MGAT4C: variants seen among roughly 807,000 people sequenced by gnomAD.
MGAT4C encodes the protein MGAT4 family member C.
MGAT4C carries 19 observed loss-of-function variants against 40.1 expected under a neutral mutation model. The ratio of observed to expected loss-of-function variants is 0.47; its 90% CI spans 0.33 to 0.70. The LOEUF (loss-of-function observed/expected upper bound fraction) is 0.70, where lower values mean the gene tolerates loss of function less well. Ranked by LOEUF, MGAT4C falls within the 30% of genes least tolerant of loss-of-function variation. The probability of loss-of-function intolerance (pLI) is 0.02; values close to 1 mark genes in which losing one functional copy is unlikely to be tolerated. For synonymous variants in MGAT4C, 181 were observed against 187.1 expected (o/e 0.97, Z 0.27); for missense variants, 491 against 563.2 (o/e 0.87, Z 1.30).
Position 86,355,093 on chromosome 12 carries a change from G to A in MGAT4C, c.-119-20966C>T, listed in dbSNP as rs528796928. On this transcript the variant is annotated intron_variant, in intron 3 of 7. Transcript: ENST00000548651. The stretch of plus-strand genomic sequence containing the variant: ...CTAGCTACAGAGTGCTGATTGGTGC[G>A]TTTTTACAGAGCACTGATTGGTGCA... Among the ~76,000 whole-genome samples, 10 of 152,174 alleles carry A rather than the reference G, an allele frequency of 6.6e-5. No individual in the cohort carries two copies. The South Asian group carries it at 8.3e-4, about 13-fold the overall frequency.
intron 2 of MGAT4C, among the ~76,000 whole-genome samples, chr12:86,528,764 G>T (rs994321729): frequency 3.3e-5 from 5 of 151,772 alleles, no homozygotes; most frequent in Admixed American, 6.6e-5. Context: ...CAGCCCTTTT[G>T]TTCATATATT....
At chr12:86,633,092 A>T (rs1963113543) in intron 2 of MGAT4C, among the ~76,000 whole-genome samples, 1 of 150,648 alleles carries the variant, frequency 6.6e-6, no homozygotes, top group African/African-American at 2.5e-5. Flanking sequence ...ATTATAGATC[A>T]CATTTTATAT....
At chr12:86,702,077 C>T (rs1208234997) in intron 2 of MGAT4C, among the ~76,000 whole-genome samples, 4 of 152,106 alleles carry the variant, frequency 2.6e-5, no homozygotes, top group Admixed American at 2.0e-4. Context: ...GGGAAGAGTA[C>T]AGTGGCATGA....
At chr12:86,702,329 A>G (rs1281336839) in intron 2 of MGAT4C, among the ~76,000 whole-genome samples, 1 of 151,858 alleles carries the variant, frequency 6.6e-6, no homozygotes, top group Non-Finnish European at 1.5e-5. Context: ...ATGGGTGTGC[A>G]CCATCAGGCC....
At chr12:86,510,784 G>A (rs1453680408) in intron 2 of MGAT4C, among the ~76,000 whole-genome samples, 10 of 152,278 alleles carry the variant, frequency 6.6e-5, no homozygotes, top group Middle Eastern at 3.4e-3. Flanking sequence ...TCAACAAGAA[G>A]AGCTAACTAG....
chr12:86,424,249 G>T (rs1956882503), intron 3 of MGAT4C, among the ~76,000 whole-genome samples: 1 of 152,174 alleles, frequency 6.6e-6, no homozygotes, highest in African/African-American at 2.4e-5. Flanking sequence ...TGTAAAAGAA[G>T]AATCTTAATA....
At chr12:86,454,964 A>C (rs751748634) in intron 2 of MGAT4C, among the ~76,000 whole-genome samples, 1 of 152,128 alleles carries the variant, frequency 6.6e-6, no homozygotes, top group Non-Finnish European at 1.5e-5. Flanking sequence ...TAGATGAATT[A>C]ATAATGCAAA....
intron 2 of MGAT4C, among the ~76,000 whole-genome samples, chr12:86,572,275 T>C (rs902891739): frequency 4.6e-5 from 7 of 152,140 alleles, no homozygotes; most frequent in Admixed American, 2.0e-4. Context: ...AACCAGGCAG[T>C]GTCTGCTCAG....
rs1882897243 is a variant in MGAT4C at position 85,957,946 on chromosome 12, TGA to T, written c.*21341_*21342del. On this transcript the variant is annotated 3_prime_UTR_variant, in exon 5 of 5. Transcript: ENST00000611864. ...TTTACTTAGGTTATCTTTATTTGAG[TGA>T]GAGACTTGTCATTAATGTACAGCAA... The T allele has an allele frequency of 6.6e-6, 1 of 152,132 alleles. No homozygotes were observed. The highest frequency in any genetic ancestry group is 2.4e-5 in the African/African-American group (1 of 41,420). The allele number at this position is 152,132 out of a possible 1,614,324, so 9.4% of individuals were successfully genotyped here.
At chr12:86,573,636 T>A (rs529917834) in intron 2 of MGAT4C, among the ~76,000 whole-genome samples, 13 of 152,160 alleles carry the variant, frequency 8.5e-5, no homozygotes, top group South Asian at 2.1e-4. Context: ...TGAACTTTCT[T>A]TACTATTCTG....
intron 2 of MGAT4C, among the ~76,000 whole-genome samples, chr12:86,665,551 G>A (rs1001294127): frequency 6.6e-6 from 1 of 151,714 alleles, no homozygotes; most frequent in African/African-American, 2.4e-5. Context: ...TAATTTTTTT[G>A]TATTTTTAGT....
intron 2 of MGAT4C, among the ~76,000 whole-genome samples, chr12:86,459,913 CTT>C (rs1285949690): frequency 2.6e-5 from 4 of 151,860 alleles, no homozygotes; most frequent in African/African-American, 9.7e-5. Flanking sequence ...GACACTAACT[CTT>C]AATTTGAATA....
In MGAT4C at chr12:86,587,201, A is replaced by T. The variant is rs1199441038; in HGVS notation, c.-229+140008T>A. Among the ~76,000 whole-genome samples the T allele has an allele frequency of 4.6e-5, 7 of 151,898 alleles. No individual in the cohort carries two copies. The East Asian group carries it at 1.2e-3, about 25-fold the overall frequency. On this transcript the variant is annotated intron_variant, in intron 2 of 7. Transcript: ENST00000548651. ...GCCAGTTTTCCCAGCACCATTTATT[A>T]AATAGGGAATCCTTTCCCCATTGCT...
At chr12:86,399,577 G>A (rs533844871) in intron 3 of MGAT4C, among the ~76,000 whole-genome samples, 9 of 152,160 alleles carry the variant, frequency 5.9e-5, no homozygotes, top group Non-Finnish European at 1.0e-4. Flanking sequence ...CACCGTGCCC[G>A]GGCCTGTCCA....
intron 1 of MGAT4C, among the ~76,000 whole-genome samples, chr12:86,079,923 C>G (rs1025943878): frequency 6.6e-6 from 1 of 152,106 alleles, no homozygotes; most frequent in Middle Eastern, 3.4e-3. Flanking sequence ...AAATGATTAA[C>G]TCATTTAGCT....
chr12:86,769,298 C>A (rs941672141), intron 1 of MGAT4C, among the ~76,000 whole-genome samples: 1 of 152,012 alleles, frequency 6.6e-6, no homozygotes, highest in Non-Finnish European at 1.5e-5. Context: ...CAGAGAAATG[C>A]AAATCAAAAC....
intron 4 of MGAT4C, among the ~76,000 whole-genome samples, chr12:86,277,293 T>C (rs867808697): frequency 6.6e-6 from 1 of 152,210 alleles, no homozygotes; most frequent in Non-Finnish European, 1.5e-5. Context: ...TGGTTATTAA[T>C]CCATTGTCAG....
chr12:86,015,359 CTGTT>C (rs1320486335), intron 2 of MGAT4C, among the ~76,000 whole-genome samples: 1 of 152,084 alleles, frequency 6.6e-6, no homozygotes, highest in African/African-American at 2.4e-5. Context: ...TCCCGACAAG[CTGTT>C]TGTGCTGTGG....
chr12:86,419,415 A>C (rs1397175595), intron 3 of MGAT4C, among the ~76,000 whole-genome samples: 1 of 151,112 alleles, frequency 6.6e-6, no homozygotes, highest in East Asian at 1.9e-4. Context: ...TACATACATA[A>C]ATTTTAAATT....
Sources: gnomAD v4.1 joint callset for allele counts (sites outside exome capture counted in the v4.1 genomes callset) on GRCh38, gnomAD v4.1.1 for gene constraint, MANE v1.5 for transcripts, NCBI Gene and HGNC (gene_info 2026-07-23, HGNC 2026-07-21) for gene names.